The following MYO5B variants were observed in gnomAD, a reference collection of about 807,000 sequenced individuals.
MYO5B encodes unconventional myosin-Vb.
Under a neutral mutation model 229.3 loss-of-function variants are expected in MYO5B, and 143 were observed. The observed-to-expected ratio is 0.62, with a 90% confidence interval of 0.54 to 0.72. The LOEUF is 0.72. Ranked by LOEUF, MYO5B falls within the 30% of genes least tolerant of loss-of-function variation. The probability of loss-of-function intolerance (pLI) is 0.00; values close to 1 mark genes in which losing one functional copy is unlikely to be tolerated. For synonymous variants in MYO5B, 918 were observed against 885.2 expected, an observed-to-expected ratio of 1.04 and a Z score of -0.66; for missense variants, 2,321 against 2,331.0, an observed-to-expected ratio of 1.00 and a Z score of 0.09.
At chr18:50,039,950 A>G (rs1434330901) in intron 3 of MYO5B, among the ~76,000 whole-genome samples, 193 bp downstream of exon 3, 1 of 152,186 alleles carries the variant, frequency 6.6e-6, no homozygotes, top group Non-Finnish European at 1.5e-5. Flanking sequence ...CATGATTAAC[A>G]CCAATCATCC....
At position 50,056,846 on chromosome 18, in the gene MYO5B, G is replaced by A. The variant is rs535307658; in HGVS notation, c.28-1468C>T. Among the ~76,000 whole-genome samples, 7 of 151,210 alleles carry A rather than the reference G, an allele frequency of 4.6e-5. No individual in the cohort carries two copies. The East Asian group carries it at 1.2e-3, about 25-fold the overall frequency. The stretch of plus-strand genomic sequence containing the variant: ...TGAAAGTTGTAAGGCAACAGAATCA[G>A]AATACCAGTCAATGAGAAAGCAAAC... On this transcript the variant is annotated intron_variant, in intron 1 of 39. Coordinates refer to ENST00000285039, the MANE Select transcript of MYO5B (RefSeq NM_001080467.3).
chr18:50,013,042 C>T (rs1473463046), intron 4 of MYO5B, among the ~76,000 whole-genome samples: 1 of 152,186 alleles, frequency 6.6e-6, no homozygotes, highest in Admixed American at 6.5e-5. Context: ...CTCTTTTATT[C>T]ATAAGTCTCT....
At chr18:49,982,390 T>C (rs1412672878) in intron 8 of MYO5B, among the ~76,000 whole-genome samples, 2 of 152,154 alleles carry the variant, frequency 1.3e-5, no homozygotes. Flanking sequence ...CAATGCTCTG[T>C]CAATTTCCAA....
chr18:49,925,619 A>T (rs1300828066), intron 17 of MYO5B, among the ~76,000 whole-genome samples: 1 of 152,216 alleles, frequency 6.6e-6, no homozygotes, highest in Non-Finnish European at 1.5e-5. Context: ...GTGGATAAGG[A>T]AATGTTTTCT....
intron 1 of MYO5B, among the ~76,000 whole-genome samples, chr18:50,102,994 G>C (rs1438315484): frequency 1.3e-5 from 2 of 151,920 alleles, no homozygotes; most frequent in Admixed American, 1.3e-4. Flanking sequence ...GATTGTATGT[G>C]ATCAGTGAGT....
chr18:50,067,562 A>T (rs920317747), intron 1 of MYO5B, among the ~76,000 whole-genome samples: 1 of 152,046 alleles, frequency 6.6e-6, no homozygotes, highest in Non-Finnish European at 1.5e-5. Context: ...ACGTGTGCAG[A>T]CCCCTGATGA....
chr18:50,007,598 G>T (rs2026116799), intron 4 of MYO5B, among the ~76,000 whole-genome samples: 1 of 152,122 alleles, frequency 6.6e-6, no homozygotes, highest in Non-Finnish European at 1.5e-5. Context: ...CAGCTTCAGT[G>T]CATGCCACTC....
At chr18:49,957,561 G>A (rs1455130086) in intron 12 of MYO5B, among the ~76,000 whole-genome samples, 2 of 151,852 alleles carry the variant, frequency 1.3e-5, no homozygotes, top group African/African-American at 2.4e-5. Flanking sequence ...CAGGAGGATC[G>A]CTTGAGCCTG....
intron 22 of MYO5B, 97 bp downstream of exon 22, chr18:49,894,844 C>T (rs1221759785): frequency 9.3e-7 from 1 of 1,074,808 alleles, no homozygotes; most frequent in Non-Finnish European, 1.4e-6. Context: ...AAGACCATGG[C>T]AATTTTACCA....
intron 1 of MYO5B, among the ~76,000 whole-genome samples, chr18:50,183,216 C>A (rs1786658935): frequency 6.6e-6 from 1 of 151,098 alleles, no homozygotes; most frequent in Admixed American, 6.6e-5. Flanking sequence ...AGTACAGTTT[C>A]CCATGCTGCT....
chr18:49,906,797 C>G (rs1394727348), intron 18 of MYO5B, among the ~76,000 whole-genome samples, 167 bp from the exon 19 acceptor site: 1 of 152,154 alleles, frequency 6.6e-6, no homozygotes, highest in Non-Finnish European at 1.5e-5. Context: ...CCCCAAGACC[C>G]TACTACGGGC....
rs2025260977 is a variant in MYO5B at position 49,937,254 on chromosome 18, A to G, written c.1896T>C (p.Val632=). The G allele has an allele frequency of 6.2e-7, 1 of 1,614,070 alleles. No individual in the cohort carries two copies. Among genetic ancestry groups the G allele is most frequent in the Non-Finnish European group, 8.5e-7 (1 of 1,179,960 alleles). The change falls in exon 15 of 40, where the codon GTT becomes GTC. Residue 632 remains valine, a synonymous_variant. Coordinates refer to ENST00000285039, the MANE Select transcript of MYO5B (RefSeq NM_001080467.3). Reference sequence around the variant, plus strand: ...TTGGTCCGGGGCTGACCTGGTGGCCAACGGTTTTCTTGTGCTCCTTGTTGG... The same window carrying G: ...TTGGTCCGGGGCTGACCTGGTGGCCGACGGTTTTCTTGTGCTCCTTGTTGG... ...KVSNKEHKKT[V]GHQFRTSLHL... is the part of the protein sequence containing the mutation.
intron 4 of MYO5B, among the ~76,000 whole-genome samples, chr18:50,036,630 G>A (rs2026451428): frequency 2.0e-5 from 3 of 152,206 alleles, no homozygotes; most frequent in Admixed American, 2.0e-4. Context: ...TAAGTCTAAA[G>A]AGCCACTGCT....
chr18:49,902,776 G>A lies in MYO5B; in HGVS notation c.2629C>T (p.Arg877Cys), dbSNP rs1179934492. ...IQKHVRGWMA[R>C]RHFQRLRDAA... ...TCCCGCAGCCGCTGGAAGTGCCTGCGTGCCATCCAGCCCCGCACGTGCTTC... is the reference window on the plus strand; with the variant it reads ...TCCCGCAGCCGCTGGAAGTGCCTGCATGCCATCCAGCCCCGCACGTGCTTC... The change falls in exon 21 of 40, where the codon CGC becomes TGC. Residue 877 changes from arginine to cysteine, a missense_variant. By Grantham distance (180) the Arg-to-Cys change is radical. This residue lies in a region of MYO5B where 2,113 missense variants were observed against 2,044.7 expected (regional missense o/e 1.03). Transcript: ENST00000285039. 1.1e-5 allele frequency: 18 copies of A among 1,604,438 alleles called. No homozygotes were observed. Among genetic ancestry groups the A allele is most frequent in the Admixed American group, 3.3e-5 (2 of 59,994 alleles).
chr18:50,110,857 G>A (rs1019391833), intron 1 of MYO5B, among the ~76,000 whole-genome samples: 1 of 152,024 alleles, frequency 6.6e-6, no homozygotes, highest in Non-Finnish European at 1.5e-5. Flanking sequence ...TTAGATAAAG[G>A]AGAAAGCAGG....
rs372125377 is a variant in MYO5B at position 49,984,773 on chromosome 18, C to T, written c.891G>A (p.Glu297=). The T allele has an allele frequency of 2.8e-5, 45 of 1,614,036 alleles. No homozygotes were observed. In the African/African-American group the frequency reaches 5.5e-4, roughly 20 times the overall value. The change falls in exon 8 of 40, where the codon GAG becomes GAA. Residue 297 remains glutamate (E), a synonymous_variant. Coordinates refer to ENST00000285039, the MANE Select transcript of MYO5B (RefSeq NM_001080467.3). ...CAAAGTCCTCAGCATCGTCCACACC[C>T]TCGATGGAAGTGTCTCCTCCCTGTG... ...YTSQGGDTSI[E]GVDDAEDFEK...
At chr18:49,882,109 T>A (rs1376387828) in intron 22 of MYO5B, among the ~76,000 whole-genome samples, 1 of 152,080 alleles carries the variant, frequency 6.6e-6, no homozygotes, top group Non-Finnish European at 1.5e-5. Context: ...AGCTGAGCAT[T>A]GCAAAAAACA....
chr18:50,093,247 A>G (rs572741775), intron 1 of MYO5B, among the ~76,000 whole-genome samples: 1 of 151,768 alleles, frequency 6.6e-6, no homozygotes, highest in Admixed American at 6.6e-5. Flanking sequence ...CACACACACA[A>G]AAGAATATTA....
Position 49,937,417 on chromosome 18 carries a change from G to T in MYO5B, c.1753-20C>A, listed in dbSNP as rs747081391. The T allele has an allele frequency of 5.6e-6, 9 of 1,613,120 alleles. No individual in the cohort carries two copies. In the East Asian group the frequency reaches 2.0e-4, roughly 36 times the overall value. ...TGGGAACTAGAAACAATCACAGGAA[G>T]AATGATGAAAGTGACATCTCCTGCA... On this transcript the variant is annotated intron_variant, in intron 14 of 39. Transcript: ENST00000285039.
Sources: allele counts gnomAD v4.1 joint callset (sites outside exome capture counted in the v4.1 genomes callset), GRCh38; gene constraint gnomAD v4.1.1; regional missense constraint gnomAD v4.1.1; transcripts MANE v1.5; gene names NCBI Gene and HGNC (gene_info 2026-07-23, HGNC 2026-07-21).